UNC5D: variants seen among roughly 807,000 people sequenced by gnomAD.
UNC5D encodes the protein unc-5 netrin receptor D, also known as netrin receptor UNC5D.
A neutral mutation model predicts 105.4 loss-of-function variants in UNC5D; 39 were observed. The ratio of observed to expected loss-of-function variants is 0.37; its 90% confidence interval spans 0.29 to 0.48. The LOEUF is 0.48. UNC5D is among the 20% of genes least tolerant of loss of function. UNC5D has a pLI of 0.98. For missense variants in UNC5D, 991 were observed against 1,202.4 expected (o/e 0.82, Z 2.60); for synonymous variants, 452 against 450.4 (o/e 1.00, Z -0.04).
intron 1 of UNC5D, among the ~76,000 whole-genome samples, chr8:35,391,646 G>A (rs752058956): frequency 5.9e-5 from 9 of 152,114 alleles, no homozygotes; most frequent in Non-Finnish European, 1.0e-4. Flanking sequence ...TTAGACTTAC[G>A]TAGTAGAGGA....
At chr8:35,503,028 G>C (rs1236444811) in intron 1 of UNC5D, among the ~76,000 whole-genome samples, 1 of 152,170 alleles carries the variant, frequency 6.6e-6, no homozygotes, top group Non-Finnish European at 1.5e-5. Context: ...TACAAAATCA[G>C]TTGTAGAAGT....
intron 2 of UNC5D, among the ~76,000 whole-genome samples, chr8:35,559,940 A>C (rs1816841398): frequency 6.6e-6 from 1 of 152,212 alleles, no homozygotes; most frequent in South Asian, 2.1e-4. Flanking sequence ...CTGACAAATG[A>C]TGAAGTTCTG....
At chr8:35,750,528 G>T in intron 12 of UNC5D, 54 bp from the exon 13 acceptor site, 1 of 1,561,058 alleles carries the variant, frequency 6.4e-7, no homozygotes, top group Non-Finnish European at 8.8e-7. Context: ...GCAATATAAA[G>T]GTTAGATCAC....
At chr8:35,541,882 T>G (rs965405284) in intron 1 of UNC5D, among the ~76,000 whole-genome samples, 6 of 152,158 alleles carry the variant, frequency 3.9e-5, no homozygotes, top group Admixed American at 2.6e-4. Context: ...ATTAAACTGA[T>G]AAATTGGAGA....
At chr8:35,468,304 C>T (rs574735920) in intron 1 of UNC5D, among the ~76,000 whole-genome samples, 1 of 152,160 alleles carries the variant, frequency 6.6e-6, no homozygotes, top group African/African-American at 2.4e-5. Context: ...TCTCTTTTAC[C>T]ACTTTATAGG....
intron 1 of UNC5D, among the ~76,000 whole-genome samples, chr8:35,467,572 CAA>C (rs769649743): frequency 2.4e-4 from 10 of 42,516 alleles, no homozygotes; most frequent in Non-Finnish European, 3.3e-4. Context: ...CTATGACAGG[CAA>C]AAAAAAAAAA....
intron 1 of UNC5D, among the ~76,000 whole-genome samples, chr8:35,528,517 G>A (rs1270974564): frequency 6.8e-6 from 1 of 146,514 alleles, no homozygotes; most frequent in Admixed American, 7.0e-5. Flanking sequence ...ACGTGTGCAT[G>A]TGTCTTTATA....
intron 1 of UNC5D, among the ~76,000 whole-genome samples, chr8:35,474,270 G>A (rs758220729): frequency 6.6e-6 from 1 of 152,158 alleles, no homozygotes; most frequent in East Asian, 1.9e-4. Flanking sequence ...TCTTAACCAT[G>A]TCTATTTTCT....
At chr8:35,654,759 T>TG (rs1310526614) in intron 4 of UNC5D, among the ~76,000 whole-genome samples, 13 of 152,094 alleles carry the variant, frequency 8.5e-5, no homozygotes, top group African/African-American at 2.9e-4. Context: ...TTGGGAGGGA[T>TG]GGGGGGATTT....
At chr8:35,515,073 A>G (rs1356108464) in intron 1 of UNC5D, among the ~76,000 whole-genome samples, 1 of 152,222 alleles carries the variant, frequency 6.6e-6, no homozygotes, top group East Asian at 1.9e-4. Flanking sequence ...TTTCTGAAAG[A>G]CTAGCTTCAG....
intron 1 of UNC5D, among the ~76,000 whole-genome samples, chr8:35,306,603 G>T (rs1004484027): frequency 3.9e-5 from 6 of 152,032 alleles, no homozygotes; most frequent in African/African-American, 1.4e-4. Flanking sequence ...GTAACTGTTG[G>T]TTACTAACCA....
chr8:35,386,387 T>G (rs1333607099), intron 1 of UNC5D, among the ~76,000 whole-genome samples: 1 of 152,248 alleles, frequency 6.6e-6, no homozygotes, highest in East Asian at 1.9e-4. Context: ...CCTGAGAGCC[T>G]GCAAATCAAT....
chr8:35,336,849 C>A (rs1395512793), intron 1 of UNC5D, among the ~76,000 whole-genome samples: 1 of 151,050 alleles, frequency 6.6e-6, no homozygotes, highest in Admixed American at 6.6e-5. Context: ...CTGCTCAGCA[C>A]CTTCTTATAT....
chr8:35,498,976 T>C (rs1028881992), intron 1 of UNC5D, among the ~76,000 whole-genome samples: 1 of 152,154 alleles, frequency 6.6e-6, no homozygotes, highest in Admixed American at 6.6e-5. Context: ...ACCAATTCAG[T>C]ATAAAGCAGA....
chr8:35,513,329 A>G (rs1486874149), intron 1 of UNC5D, among the ~76,000 whole-genome samples: 3 of 151,036 alleles, frequency 2.0e-5, no homozygotes, highest in Non-Finnish European at 2.9e-5. Flanking sequence ...CCCAGGTTCA[A>G]GTGATTCTCC....
intron 1 of UNC5D, among the ~76,000 whole-genome samples, chr8:35,388,623 G>T (rs1232612470): frequency 1.3e-5 from 2 of 152,148 alleles, no homozygotes; most frequent in African/African-American, 4.8e-5. Context: ...TAGATTTTTG[G>T]AGGGCATATA....
At chr8:35,607,060 T>C (rs2130958137) in intron 4 of UNC5D, among the ~76,000 whole-genome samples, 1 of 152,346 alleles carries the variant, frequency 6.6e-6, no homozygotes. Context: ...CTCTGTAGAC[T>C]GGCTCAGCCC....
chr8:35,266,870 C>T (rs1804911695), intron 1 of UNC5D, among the ~76,000 whole-genome samples: 1 of 152,078 alleles, frequency 6.6e-6, no homozygotes, highest in Admixed American at 6.6e-5. Context: ...GAGGAAGCAT[C>T]CCAAAATGGA....
intron 1 of UNC5D, among the ~76,000 whole-genome samples, chr8:35,521,619 T>G (rs1444812822): frequency 2.6e-5 from 4 of 152,198 alleles, no homozygotes; most frequent in Non-Finnish European, 5.9e-5. Context: ...TTAAGCACTC[T>G]GTTGAGGTTA....
Sources: allele counts gnomAD v4.1 joint callset (sites outside exome capture counted in the v4.1 genomes callset), GRCh38; gene constraint gnomAD v4.1.1; transcripts MANE v1.5; gene names NCBI Gene and HGNC (gene_info 2026-07-23, HGNC 2026-07-21).